XPO7: variants seen among roughly 807,000 people sequenced by gnomAD.
XPO7 encodes the protein exportin 7, also known as exportin-7.
In XPO7, 21 loss-of-function variants were observed where a neutral mutation model predicts 144.3. That is an observed-to-expected ratio of 0.15 (90% CI 0.10 to 0.21). XPO7 has a LOEUF of 0.21. Ranked by LOEUF, XPO7 falls within the 10% of genes least tolerant of loss-of-function variation. The pLI is 1.00. For synonymous variants in XPO7, 580 were observed against 499.6 expected (o/e 1.16, Z -2.15); for missense variants, 808 against 1,325.8 (o/e 0.61, Z 6.06).
Position 22,002,624 on chromosome 8 carries a change from C to T in XPO7, c.2943+352C>T, listed in dbSNP as rs556949710. ...TTCTAAAGGCTTGTGTTCCTGTTTA[C>T]AAAACAGGAAGAAGAATGCAAGACA... On this transcript the variant is annotated intron_variant, in intron 25 of 27. Transcript: ENST00000252512. Among the ~76,000 whole-genome samples the T allele has an allele frequency of 1.1e-4, 17 of 151,570 alleles. No homozygotes were observed. In the East Asian group the frequency reaches 3.3e-3, roughly 29 times the overall value.
intron 17 of XPO7, 159 bp downstream of exon 17, chr8:21,990,566 G>C: frequency 1.2e-6 from 1 of 861,866 alleles, no homozygotes; most frequent in Non-Finnish European, 1.8e-6. Context: ...TACGTCATCA[G>C]AGTGGCTCTT....
chr8:21,974,754 T>A lies in XPO7; in HGVS notation c.577T>A (p.Ser193Thr). Residue 193 changes from serine to threonine, a missense_variant, in exon 6 of 28, where the codon TCC (serine) becomes ACC (threonine). This residue lies in a region of XPO7 where 223 missense variants were observed against 368.8 expected (regional missense o/e 0.60). Coordinates refer to ENST00000252512, the MANE Select transcript of XPO7 (RefSeq NM_015024.5). ...ATCATTATTTGATATCTTCACACTT[T>A]CCTGCAATTTACTAAAACAGGTGAG... ...DSSLFDIFTL[S>T]CNLLKQASGK... is the part of the protein sequence containing the mutation. The A allele has an allele frequency of 6.3e-7, 1 of 1,575,748 alleles. No homozygotes were observed. Among genetic ancestry groups the A allele is most frequent in the South Asian group, 1.2e-5 (1 of 85,376 alleles).
Position 21,985,701 on chromosome 8 carries a change from C to A in XPO7, c.1577+10C>A. 6.2e-7 allele frequency: 1 copy of A among 1,611,548 alleles called. No individual in the cohort carries two copies. ...GTGAGCTTGTCTGTCGGTAAGTGCT[C>A]CCCACAGAAGCTCTCCACTCTGCCT... On this transcript the variant is annotated intron_variant, in intron 13 of 27. Coordinates refer to ENST00000252512, the MANE Select transcript of XPO7 (RefSeq NM_015024.5).
At chr8:21,924,447 TC>T (rs551761845) in intron 1 of XPO7, among the ~76,000 whole-genome samples, 2,190 of 132,032 alleles carry the variant, frequency 0.017, 20 homozygotes, top group South Asian at 0.049. Flanking sequence ...GTAGCCCCCC[TC>T]CCCCCCCCAC....
chr8:21,925,283 T>C (rs1400277432), intron 1 of XPO7, among the ~76,000 whole-genome samples: 2 of 152,188 alleles, frequency 1.3e-5, no homozygotes, highest in Non-Finnish European at 2.9e-5. Flanking sequence ...GTTCACCCCT[T>C]CGCACATGTG....
chr8:21,967,764 C>T (rs1413030745), intron 2 of XPO7, among the ~76,000 whole-genome samples: 1 of 152,134 alleles, frequency 6.6e-6, no homozygotes, highest in African/African-American at 2.4e-5. Flanking sequence ...AATGAAATTA[C>T]AGGAGATTGT....
intron 1 of XPO7, among the ~76,000 whole-genome samples, chr8:21,931,939 C>T (rs1008160806): frequency 6.6e-6 from 1 of 152,198 alleles, no homozygotes; most frequent in Non-Finnish European, 1.5e-5. Context: ...GTGGCGCGGT[C>T]TTGGCTCATT....
At chr8:21,922,103 C>T (rs1810308622) in intron 1 of XPO7, among the ~76,000 whole-genome samples, 1 of 152,164 alleles carries the variant, frequency 6.6e-6, no homozygotes, top group Non-Finnish European at 1.5e-5. Flanking sequence ...GCTACAGATT[C>T]ATGACTGATT....
chr8:21,939,779 A>C (rs1301672884), intron 1 of XPO7, among the ~76,000 whole-genome samples: 1 of 152,250 alleles, frequency 6.6e-6, no homozygotes, highest in Admixed American at 6.5e-5. Flanking sequence ...CCAAATCATA[A>C]CATGCTTTCT....
intron 24 of XPO7, 125 bp from the exon 25 acceptor site, chr8:22,001,985 GTC>G (rs1813163884): frequency 9.2e-7 from 1 of 1,085,962 alleles, no homozygotes; most frequent in South Asian, 1.6e-5. Flanking sequence ...GTTAACAGGA[GTC>G]ATCTTGAGCA....
At chr8:21,977,067 C>T (rs914294861) in intron 7 of XPO7, among the ~76,000 whole-genome samples, 16 of 152,306 alleles carry the variant, frequency 1.1e-4, no homozygotes, top group African/African-American at 3.4e-4. Flanking sequence ...TGTATTTCAC[C>T]TTTTTGCATT....
chr8:21,954,698 C>T (rs1811479718), intron 1 of XPO7, among the ~76,000 whole-genome samples: 1 of 152,130 alleles, frequency 6.6e-6, no homozygotes, highest in Non-Finnish European at 1.5e-5. Context: ...CAGTGTCCCT[C>T]TGCAGTGTAG....
intron 23 of XPO7, 61 bp from the exon 24 acceptor site, chr8:21,999,475 C>G (rs757991634): frequency 6.2e-7 from 1 of 1,602,710 alleles, no homozygotes; most frequent in Non-Finnish European, 8.5e-7. Flanking sequence ...TTAAGATCGT[C>G]TCCCTGCATG....
At chr8:22,001,693 G>T (rs542540298) in intron 24 of XPO7, among the ~76,000 whole-genome samples, 2 of 152,182 alleles carry the variant, frequency 1.3e-5, no homozygotes, top group Non-Finnish European at 2.9e-5. Flanking sequence ...TCCTTAGGCC[G>T]ATACATAACC....
Position 21,994,392 on chromosome 8 carries a change from G to C in XPO7, c.2178G>C (p.Leu726=). ...KRTLVGLVRD[L]RGIAFAFNAK... ...CTCTAGTTGGCCTAGTAAGAGACCT[G>C]AGAGGGATCGCTTTCGCTTTCAATG... Residue 726 remains leucine, a synonymous_variant, in exon 20 of 28, where the codon CTG becomes CTC. Coordinates refer to ENST00000252512, the MANE Select transcript of XPO7 (RefSeq NM_015024.5). The C allele has an allele frequency of 6.2e-7, 1 of 1,612,482 alleles. No homozygotes were observed. Among genetic ancestry groups the C allele is most frequent in the Non-Finnish European group, 8.5e-7 (1 of 1,178,860 alleles).
At chr8:21,991,441 CCTT>C (rs1231756576) in intron 18 of XPO7, among the ~76,000 whole-genome samples, 3 of 152,168 alleles carry the variant, frequency 2.0e-5, no homozygotes, top group African/African-American at 7.2e-5. Context: ...TGACATAAAA[CCTT>C]CTAGGTTTAT....
rs71544845 is a variant in XPO7, at chr8:21,955,724, C to CTTTTTT, written c.19-11115_19-11110dup. Among the ~76,000 whole-genome samples, 790 of 102,696 alleles carry CTTTTTT rather than the reference C, an allele frequency of 7.7e-3. 15 individuals are homozygous for CTTTTTT. The highest frequency in any genetic ancestry group is 9.2e-3 in the Non-Finnish European group (511 of 55,278). The allele number at this position is 102,696 out of a possible 152,430, so 67.4% of individuals were successfully genotyped here. A position where few individuals can be genotyped will look rare whatever the true frequency, so the allele number is the denominator to read the frequency against. On this transcript the variant is annotated intron_variant, in intron 1 of 27. Transcript: ENST00000252512. ...CTCATGGCCTGTATTCTGTGCTTAC[C>CTTTTTT]TTTTTTTTTTTTTTTTTTTTTTTGA...
chr8:21,980,906 A>G (rs1015249080), intron 9 of XPO7, among the ~76,000 whole-genome samples: 4 of 152,168 alleles, frequency 2.6e-5, no homozygotes, highest in African/African-American at 9.7e-5. Flanking sequence ...CGTTAATTTC[A>G]TAACTCGATT....
At chr8:21,950,841 A>G (rs892034309) in intron 1 of XPO7, among the ~76,000 whole-genome samples, 8 of 152,104 alleles carry the variant, frequency 5.3e-5, no homozygotes, top group Non-Finnish European at 8.8e-5. Context: ...TGAGGTATAT[A>G]TAAAGTATCT....
Sources: gnomAD v4.1 joint callset for allele counts (sites outside exome capture counted in the v4.1 genomes callset) on GRCh38, gnomAD v4.1.1 for gene constraint, gnomAD v4.1.1 regional missense constraint, MANE v1.5 for transcripts, NCBI Gene and HGNC (gene_info 2026-07-23, HGNC 2026-07-21) for gene names.